Variants in PRDM16 observed in about 807,000 individuals in gnomAD.
PRDM16 encodes the protein PR/SET domain 16, also known as histone-lysine N-methyltransferase PRDM16.
PRDM16 carries 23 observed loss-of-function variants against 110.6 expected under a neutral mutation model. That is an observed-to-expected ratio of 0.21 (90% CI 0.15 to 0.29). The LOEUF (loss-of-function observed/expected upper bound fraction) is 0.29. Among genes scored for constraint, PRDM16 ranks in the 10% least tolerant of loss-of-function variants. PRDM16 has a pLI of 1.00. For synonymous variants in PRDM16, 799 were observed against 781.8 expected (o/e 1.02, Z -0.37); for missense variants, 1,615 against 1,794.3 (o/e 0.90, Z 1.81).
chr1:3,393,230 G>C (rs1006917997), intron 4 of PRDM16, among the ~76,000 whole-genome samples: 1 of 152,210 alleles, frequency 6.6e-6, no homozygotes, highest in Non-Finnish European at 1.5e-5. Flanking sequence ...TAGCGGAGGC[G>C]AGTGTTTATA....
chr1:3,312,632 G>A (rs1417254767), intron 3 of PRDM16, among the ~76,000 whole-genome samples: 1 of 152,246 alleles, frequency 6.6e-6, no homozygotes, highest in African/African-American at 2.4e-5. Flanking sequence ...GAAAGGGACC[G>A]TGCACCCTCC....
intron 1 of PRDM16, among the ~76,000 whole-genome samples, chr1:3,070,184 C>T (rs1332658870): frequency 1.3e-5 from 2 of 151,898 alleles, no homozygotes; most frequent in African/African-American, 2.4e-5. Flanking sequence ...CAGAGCTGCC[C>T]CGGCCAGGCT....
intron 1 of PRDM16, among the ~76,000 whole-genome samples, chr1:3,095,972 G>T (rs1334949644): frequency 1.3e-5 from 2 of 152,036 alleles, no homozygotes; most frequent in Non-Finnish European, 2.9e-5. Context: ...CTCCCTCCCT[G>T]TCTCTCCTCC....
At chr1:3,351,021 C>G (rs1353097344) in intron 3 of PRDM16, among the ~76,000 whole-genome samples, 1 of 152,222 alleles carries the variant, frequency 6.6e-6, no homozygotes, top group Non-Finnish European at 1.5e-5. Context: ...TGCAGAGCTG[C>G]TGGTTGGCGG....
chr1:3,117,048 C>T (rs1269129612), intron 1 of PRDM16, among the ~76,000 whole-genome samples: 2 of 152,212 alleles, frequency 1.3e-5, no homozygotes, highest in African/African-American at 4.8e-5. Context: ...GCACAGCTGC[C>T]CCCAGGACCC....
intron 1 of PRDM16, among the ~76,000 whole-genome samples, chr1:3,168,294 C>T (rs1325982612): frequency 2.3e-5 from 1 of 43,060 alleles, no homozygotes; most frequent in Non-Finnish European, 4.6e-5. Context: ...CATCCTCCCG[C>T]CCCACCCCTG....
chr1:3,122,892 A>C (rs1643124646), intron 1 of PRDM16, among the ~76,000 whole-genome samples: 1 of 152,172 alleles, frequency 6.6e-6, no homozygotes, highest in African/African-American at 2.4e-5. Context: ...GCAAATTCAA[A>C]CCAGGACTGG....
intron 2 of PRDM16, among the ~76,000 whole-genome samples, chr1:3,238,714 G>A (rs574090574): frequency 1.3e-5 from 2 of 152,326 alleles, no homozygotes; most frequent in East Asian, 3.9e-4. Context: ...CTTGGCCGTG[G>A]AGAGAGTCCT....
chr1:3,076,801 T>C (rs1641911304), intron 1 of PRDM16, among the ~76,000 whole-genome samples: 1 of 152,254 alleles, frequency 6.6e-6, no homozygotes. Flanking sequence ...CTGTCCCTCC[T>C]TAGCCTTCCG....
At chr1:3,364,417 C>T (rs991067168) in intron 3 of PRDM16, among the ~76,000 whole-genome samples, 4 of 152,204 alleles carry the variant, frequency 2.6e-5, no homozygotes, top group Non-Finnish European at 5.9e-5. Context: ...GCCACAGCCT[C>T]TTGAAGCGCT....
At chr1:3,181,281 T>C (rs1292706950) in intron 1 of PRDM16, among the ~76,000 whole-genome samples, 5 of 78,986 alleles carry the variant, frequency 6.3e-5, no homozygotes, top group East Asian at 5.2e-4. Flanking sequence ...GCCTTACGCA[T>C]GGTCTTACAC....
chr1:3,096,970 C>T (rs1479842173), intron 1 of PRDM16, among the ~76,000 whole-genome samples: 1 of 152,184 alleles, frequency 6.6e-6, no homozygotes, highest in Non-Finnish European at 1.5e-5. Flanking sequence ...CCCCTTCTCT[C>T]CCAGGCTTTC....
chr1:3,126,025 G>C (rs1643197474), intron 1 of PRDM16, among the ~76,000 whole-genome samples: 1 of 152,264 alleles, frequency 6.6e-6, no homozygotes, highest in Non-Finnish European at 1.5e-5. Flanking sequence ...AGCCCGGGCA[G>C]TTATCTGATT....
intron 3 of PRDM16, among the ~76,000 whole-genome samples, chr1:3,261,852 A>G (rs2455103): frequency 0.23 from 35,009 of 152,032 alleles, 5,207 homozygotes; most frequent in African/African-American, 0.39. Flanking sequence ...CTCAGTTGAC[A>G]GGTTGTCTGG....
chr1:3,252,350 G>T (rs111803658), intron 3 of PRDM16, among the ~76,000 whole-genome samples: 1 of 151,170 alleles, frequency 6.6e-6, no homozygotes, highest in Admixed American at 6.6e-5. Context: ...TGTCCAGGCC[G>T]GGCCCCAGGT....
At chr1:3,329,175 G>A (rs1306985172) in intron 3 of PRDM16, among the ~76,000 whole-genome samples, 1 of 152,258 alleles carries the variant, frequency 6.6e-6, no homozygotes, top group Non-Finnish European at 1.5e-5. Context: ...GTTGTAGGTA[G>A]GAAGCAGCAC....
At chr1:3,093,879 C>T (rs1642332247) in intron 1 of PRDM16, among the ~76,000 whole-genome samples, 1 of 152,216 alleles carries the variant, frequency 6.6e-6, no homozygotes, top group Admixed American at 6.5e-5. Flanking sequence ...CTGTGCACCC[C>T]ATCCCACTCG....
intron 1 of PRDM16, among the ~76,000 whole-genome samples, chr1:3,073,967 A>C (rs1019362678): frequency 2.0e-5 from 3 of 152,112 alleles, no homozygotes; most frequent in African/African-American, 7.2e-5. Context: ...TCCCTGCGAC[A>C]TCCCGACCCG....
intron 2 of PRDM16, among the ~76,000 whole-genome samples, chr1:3,219,779 G>C (rs1318809087): frequency 6.6e-6 from 1 of 152,148 alleles, no homozygotes; most frequent in Non-Finnish European, 1.5e-5. Context: ...CGCCTGCCCT[G>C]CTTCACCGAC....
Sources: allele counts gnomAD v4.1 joint callset (sites outside exome capture counted in the v4.1 genomes callset), GRCh38; gene constraint gnomAD v4.1.1; transcripts MANE v1.5; gene names NCBI Gene and HGNC (gene_info 2026-07-23, HGNC 2026-07-21).